GRIA3: variants seen among roughly 807,000 people sequenced by gnomAD.
GRIA3 encodes glutamate ionotropic receptor AMPA type subunit 3, also known as glutamate receptor 3.
GRIA3 carries 3 observed loss-of-function variants against 63.0 expected under a neutral mutation model. The ratio of observed to expected loss-of-function variants is 0.05; its 90% CI spans 0.02 to 0.12. The LOEUF is 0.12. GRIA3 is among the 10% of genes least tolerant of loss of function. The pLI, the probability that GRIA3 is intolerant of heterozygous loss-of-function variation, is 1.00. For synonymous variants in GRIA3, 274 were observed against 257.9 expected, an observed-to-expected ratio of 1.06 and a Z score of -0.60; for missense variants, 347 against 700.9, an observed-to-expected ratio of 0.50 and a Z score of 5.70.
At chrX:123,201,055 G>C (rs976159405) in intron 2 of GRIA3, among the ~76,000 whole-genome samples, 14 of 111,741 alleles carry the variant, frequency 1.3e-4, no homozygotes, top group African/African-American at 3.9e-4. Flanking sequence ...ATCCACTGTG[G>C]TAAAAATTGA....
At chrX:123,383,679 A>C (rs2045337642) in intron 5 of GRIA3, among the ~76,000 whole-genome samples, 1 of 111,810 alleles carries the variant, frequency 8.9e-6, no homozygotes, top group Admixed American at 9.5e-5. Flanking sequence ...GAAGGCCATT[A>C]AACTTTTTAA....
chrX:123,303,510 T>C (rs1372754475), intron 3 of GRIA3, among the ~76,000 whole-genome samples: 5 of 111,518 alleles, frequency 4.5e-5, no homozygotes, highest in Non-Finnish European at 9.4e-5. Context: ...CATATATCTG[T>C]GAAGGCACTA....
chrX:123,232,311 G>A (rs967653417), intron 2 of GRIA3, among the ~76,000 whole-genome samples: 6 of 111,343 alleles, frequency 5.4e-5, no homozygotes, highest in African/African-American at 2.0e-4. Context: ...AATGAAAAGG[G>A]GTAATTCTGA....
chrX:123,405,081 A>G (rs1367215203), intron 10 of GRIA3, among the ~76,000 whole-genome samples, 167 bp downstream of exon 10: 1 of 112,744 alleles, frequency 8.9e-6, no homozygotes, highest in Non-Finnish European at 1.9e-5. Flanking sequence ...GTAGGTTGTC[A>G]GTAGTATCCT....
At chrX:123,312,066 G>A (rs1225019895) in intron 3 of GRIA3, among the ~76,000 whole-genome samples, 1 of 111,947 alleles carries the variant, frequency 8.9e-6, no homozygotes, top group African/African-American at 3.2e-5. Flanking sequence ...TGTATACATT[G>A]TTAGCTCTGT....
intron 1 of GRIA3, among the ~76,000 whole-genome samples, chrX:123,185,160 G>C (rs1311287320): frequency 9.0e-6 from 1 of 111,428 alleles, no homozygotes; most frequent in Non-Finnish European, 1.9e-5. Flanking sequence ...TCCCAGACCC[G>C]GGCAGCAGCA....
At chrX:123,481,488 C>T (rs1436458443) in intron 14 of GRIA3, among the ~76,000 whole-genome samples, 2 of 111,567 alleles carry the variant, frequency 1.8e-5, no homozygotes, top group African/African-American at 6.5e-5. Flanking sequence ...AAGGACACGG[C>T]CATATTGTCT....
chrX:123,488,517 C>A (rs981957523), intron 15 of GRIA3, among the ~76,000 whole-genome samples, 196 bp from the exon 16 acceptor site: 16 of 111,952 alleles, frequency 1.4e-4, no homozygotes, highest in Admixed American at 2.8e-4. Flanking sequence ...CCTGCATATT[C>A]CTTAGTACAA....
At chrX:123,358,880 C>G (rs1266543413) in intron 5 of GRIA3, 1 of 111,061 alleles carries the variant, frequency 9.0e-6, no homozygotes, top group Non-Finnish European at 1.9e-5. Flanking sequence ...TCACCTATGT[C>G]AGTAATGATA....
chrX:123,389,579 T>G (rs1375643935), intron 5 of GRIA3, among the ~76,000 whole-genome samples: 1 of 111,729 alleles, frequency 9.0e-6, no homozygotes, highest in East Asian at 2.8e-4. Flanking sequence ...TTCCATCCCT[T>G]TACTTTGACC....
chrX:123,419,071 A>C (rs1406492623), intron 11 of GRIA3, among the ~76,000 whole-genome samples: 2 of 112,429 alleles, frequency 1.8e-5, no homozygotes, highest in African/African-American at 6.5e-5. Context: ...CCAATTAAAA[A>C]GAACAGACTA....
At chrX:123,314,363 C>T (rs1603087656) in intron 3 of GRIA3, among the ~76,000 whole-genome samples, 1 of 112,466 alleles carries the variant, frequency 8.9e-6, no homozygotes, top group African/African-American at 3.2e-5. Context: ...GGCAGTCTAT[C>T]CCAGAACAAT....
At chrX:123,252,695 C>T (rs1387139131) in intron 2 of GRIA3, among the ~76,000 whole-genome samples, 1 of 111,488 alleles carries the variant, frequency 9.0e-6, no homozygotes, top group African/African-American at 3.3e-5. Flanking sequence ...TAGGCAGCCA[C>T]CTAACCCCTG....
rs748930230 is a variant in GRIA3, at chrX:123,354,617, G to T, written c.697-293G>T. 6.3e-5 allele frequency among the ~76,000 whole-genome samples: 7 copies of T among 111,505 alleles called. No individual in the cohort carries two copies. The East Asian group carries it at 2.0e-3, about 31-fold the overall frequency. On this transcript the variant is annotated intron_variant, in intron 4 of 15. Coordinates refer to ENST00000620443, the MANE Select transcript of GRIA3 (RefSeq NM_007325.5). ...AGTACAGAAATCGAGTTCATGAGTG[G>T]GGGATCTTCAGCTTCATCACTTTTG...
chrX:123,267,542 C>T (rs1162331124), intron 3 of GRIA3, among the ~76,000 whole-genome samples: 1 of 111,989 alleles, frequency 8.9e-6, no homozygotes, highest in Admixed American at 9.5e-5. Flanking sequence ...CACATGAATT[C>T]TCTAAAGACA....
chrX:123,354,918 C>T lies in GRIA3; in HGVS notation c.705C>T (p.Ile235=). Residue 235 remains isoleucine (I), a synonymous_variant, in exon 5 of 16, where the codon ATC becomes ATT. Coordinates refer to ENST00000620443, the MANE Select transcript of GRIA3 (RefSeq NM_007325.5). ...RINTILEQVV[I]LGKHSRGYHY... is the part of the protein sequence containing the mutation. ...ATTTCTTCTTTCTGCAGGTTGTGAT[C>T]CTAGGGAAACACTCAAGAGGTTATC... 1 of 1,195,395 alleles carries T rather than the reference C, an allele frequency of 8.4e-7. No homozygotes were observed. The highest frequency in any genetic ancestry group is 1.1e-6 in the Non-Finnish European group (1 of 880,790).
At chrX:123,188,985 A>G (rs1170541393) in intron 2 of GRIA3, among the ~76,000 whole-genome samples, 1 of 112,164 alleles carries the variant, frequency 8.9e-6, no homozygotes, top group Admixed American at 9.4e-5. Flanking sequence ...CTTCTTCATC[A>G]GAAACCAATT....
intron 5 of GRIA3, among the ~76,000 whole-genome samples, chrX:123,365,032 G>A (rs899619153): frequency 9.8e-5 from 11 of 111,788 alleles, no homozygotes. Context: ...GTAGGAATAG[G>A]TTTTGAGAGC....
intron 3 of GRIA3, among the ~76,000 whole-genome samples, chrX:123,296,277 T>C (rs950778930): frequency 6.3e-5 from 7 of 110,948 alleles, no homozygotes; most frequent in Non-Finnish European, 1.1e-4. Flanking sequence ...GGCCGAATGT[T>C]CTTACTACTG....
Sources: allele counts gnomAD v4.1 joint callset (sites outside exome capture counted in the v4.1 genomes callset), GRCh38; gene constraint gnomAD v4.1.1; transcripts MANE v1.5; gene names NCBI Gene and HGNC (gene_info 2026-07-23, HGNC 2026-07-21).